The following MIPOL1 variants were observed in gnomAD, a reference collection of about 807,000 sequenced individuals.
The protein encoded by MIPOL1 is mirror-image polydactyly 1, also known as mirror-image polydactyly gene 1 protein.
A neutral mutation model predicts 60.9 loss-of-function variants in MIPOL1; 57 were observed. That is an observed-to-expected ratio of 0.94 (90% CI 0.76 to 1.17). MIPOL1 has a LOEUF of 1.17. Ranked by LOEUF, MIPOL1 falls within the 50% of genes most tolerant of loss-of-function variation. MIPOL1 has a pLI of 0.00. For missense variants in MIPOL1, 551 were observed against 511.6 expected, an observed-to-expected ratio of 1.08 and a Z score of -0.74; for synonymous variants, 179 against 168.8, an observed-to-expected ratio of 1.06 and a Z score of -0.47.
At chr14:37,247,714 TA>T in intron 2 of MIPOL1, 114 bp from the exon 3 acceptor site, 1 of 566,734 alleles carries the variant, frequency 1.8e-6, no homozygotes, top group Non-Finnish European at 3.1e-6. Context: ...TGTCCCATTG[TA>T]AATGTTTTAG....
chr14:37,521,235 C>G (rs562554677), intron 12 of MIPOL1, among the ~76,000 whole-genome samples: 1 of 59,600 alleles, frequency 1.7e-5, no homozygotes, highest in Non-Finnish European at 3.0e-5. Flanking sequence ...CTGCGCCCAG[C>G]CACATTTACT....
chr14:37,313,569 T>C (rs775591596), intron 9 of MIPOL1, among the ~76,000 whole-genome samples: 2 of 152,128 alleles, frequency 1.3e-5, no homozygotes, highest in Non-Finnish European at 2.9e-5. Context: ...GTATGGACTT[T>C]ATGGACTTTA....
chr14:37,482,753 G>T (rs2094890405), intron 11 of MIPOL1, among the ~76,000 whole-genome samples: 1 of 152,130 alleles, frequency 6.6e-6, no homozygotes, highest in Non-Finnish European at 1.5e-5. Context: ...GGGACACAAA[G>T]CCTAACCATA....
intron 12 of MIPOL1, among the ~76,000 whole-genome samples, chr14:37,533,551 T>C (rs1594907681): frequency 6.6e-6 from 1 of 152,254 alleles, no homozygotes; most frequent in Non-Finnish European, 1.5e-5. Context: ...AAGCCTTCAG[T>C]TGTAACTTAA....
At chr14:37,228,394 G>A (rs771607080) in intron 1 of MIPOL1, among the ~76,000 whole-genome samples, 12 of 142,264 alleles carry the variant, frequency 8.4e-5, no homozygotes, top group Non-Finnish European at 1.7e-4. Flanking sequence ...GCCTTTTGCA[G>A]TTCATTGTCT....
chr14:37,444,569 G>A (rs565757304), intron 11 of MIPOL1, among the ~76,000 whole-genome samples: 1 of 152,180 alleles, frequency 6.6e-6, no homozygotes, highest in South Asian at 2.1e-4. Flanking sequence ...AATTGCCAAG[G>A]CAGTTTTATA....
At chr14:37,342,185 A>G (rs1190158941) in intron 9 of MIPOL1, among the ~76,000 whole-genome samples, 1 of 151,916 alleles carries the variant, frequency 6.6e-6, no homozygotes, top group Non-Finnish European at 1.5e-5. Context: ...AACATGGTGA[A>G]ACCCCATCTC....
chr14:37,523,572 C>T, intron 12 of MIPOL1: 1 of 409,588 alleles, frequency 2.4e-6, no homozygotes, highest in Non-Finnish European at 4.3e-6. Flanking sequence ...CAAAACAGGT[C>T]ATGATTTAAA....
chr14:37,231,938 C>T (rs192964131), intron 1 of MIPOL1, among the ~76,000 whole-genome samples: 36 of 151,828 alleles, frequency 2.4e-4, no homozygotes, highest in African/African-American at 7.5e-4. Context: ...CAAAAGTAGC[C>T]GGATATGGTG....
At chr14:37,545,764 T>G in intron 12 of MIPOL1, 1 of 574,714 alleles carries the variant, frequency 1.7e-6, no homozygotes, top group Non-Finnish European at 3.1e-6. Flanking sequence ...CCAAATCATC[T>G]AAACCAGCTT....
intron 10 of MIPOL1, chr14:37,400,007 G>C (rs775791519): frequency 2.0e-5 from 3 of 152,110 alleles, no homozygotes; most frequent in Non-Finnish European, 4.4e-5. Flanking sequence ...GATTATTCTT[G>C]GTGAAGGAGG....
At chr14:37,509,543 A>G (rs1426501839) in intron 12 of MIPOL1, among the ~76,000 whole-genome samples, 1 of 151,864 alleles carries the variant, frequency 6.6e-6, no homozygotes, top group Non-Finnish European at 1.5e-5. Flanking sequence ...GGAACAGAGC[A>G]CGTTTCTACA....
chr14:37,449,452 GAAGA>G (rs2094386455), intron 11 of MIPOL1, among the ~76,000 whole-genome samples: 3 of 152,146 alleles, frequency 2.0e-5, no homozygotes, highest in Admixed American at 2.0e-4. Flanking sequence ...CAAACTGAAT[GAAGA>G]ATTTGAATTT....
At chr14:37,435,224 C>G (rs1397914924) in intron 11 of MIPOL1, among the ~76,000 whole-genome samples, 1 of 152,118 alleles carries the variant, frequency 6.6e-6, no homozygotes, top group Admixed American at 6.5e-5. Flanking sequence ...ACTCTTGGTT[C>G]ACTCCAGCCA....
At chr14:37,345,467 C>T (rs1453939642) in intron 9 of MIPOL1, among the ~76,000 whole-genome samples, 1 of 152,176 alleles carries the variant, frequency 6.6e-6, no homozygotes, top group Admixed American at 6.5e-5. Context: ...CAGTGCACTT[C>T]AGTTACTATC....
chr14:37,515,639 T>C (rs10134717), intron 12 of MIPOL1, among the ~76,000 whole-genome samples: 19,668 of 152,218 alleles, frequency 0.13, 1,694 homozygotes, highest in Non-Finnish European at 0.2. Flanking sequence ...AAAATCTTTC[T>C]TAAGTTAAAC....
intron 10 of MIPOL1, among the ~76,000 whole-genome samples, chr14:37,378,925 A>G (rs1034482141): frequency 4.6e-5 from 7 of 152,104 alleles, no homozygotes; most frequent in Non-Finnish European, 8.8e-5. Context: ...TTCTAATGCA[A>G]TCTAAACAAG....
chr14:37,355,726 T>G (rs12898102), intron 9 of MIPOL1, among the ~76,000 whole-genome samples: 2 of 136,348 alleles, frequency 1.5e-5, no homozygotes, highest in Non-Finnish European at 3.2e-5. Flanking sequence ...GCATTCTTCA[T>G]GTAGTTCTCG....
chr14:37,274,803 A>G (rs2083529592), intron 6 of MIPOL1, among the ~76,000 whole-genome samples: 2 of 151,318 alleles, frequency 1.3e-5, no homozygotes, highest in South Asian at 4.1e-4. Context: ...CACTCAATAA[A>G]TAATAATTAT....
Sources: gnomAD v4.1 joint callset for allele counts (sites outside exome capture counted in the v4.1 genomes callset) on GRCh38, gnomAD v4.1.1 for gene constraint, MANE v1.5 for transcripts, NCBI Gene and HGNC (gene_info 2026-07-23, HGNC 2026-07-21) for gene names.